SH3BP2: variants seen among roughly 807,000 people sequenced by gnomAD.
The protein encoded by SH3BP2 is SH3 domain binding protein 2.
In SH3BP2, 38 loss-of-function variants were observed where a neutral mutation model predicts 56.2. That is an observed-to-expected ratio of 0.68 (90% CI 0.52 to 0.89). The LOEUF (loss-of-function observed/expected upper bound fraction) is 0.89. Among genes scored for constraint, SH3BP2 ranks in the 40% least tolerant of loss-of-function variants. The pLI, the probability that SH3BP2 is intolerant of heterozygous loss-of-function variation, is 0.00. For synonymous variants in SH3BP2, 346 were observed against 316.7 expected (o/e 1.09, Z -0.98); for missense variants, 748 against 762.6 (o/e 0.98, Z 0.23).
chr4:2,832,539 A>T, intron 11 of SH3BP2, 127 bp downstream of exon 11: 2 of 777,016 alleles, frequency 2.6e-6, no homozygotes, highest in South Asian at 2.8e-5. Context: ...GTCTCAGCTG[A>T]ATTCTCTTCC....
intron 10 of SH3BP2, 112 bp downstream of exon 10, chr4:2,832,090 C>T: frequency 1.7e-6 from 2 of 1,183,008 alleles, no homozygotes; most frequent in Non-Finnish European, 2.5e-6. Flanking sequence ...GTTCATGGCC[C>T]TGCGTGCAGC....
At chr4:2,805,930 G>T (rs1268310090) in intron 1 of SH3BP2, among the ~76,000 whole-genome samples, 1 of 152,190 alleles carries the variant, frequency 6.6e-6, no homozygotes, top group Non-Finnish European at 1.5e-5. Context: ...GCCAAGGGCC[G>T]CGGGGAGACG....
In SH3BP2 at chr4:2,805,261, C is replaced by A. The variant is rs531857586; in HGVS notation, c.-5+12123C>A. 2.6e-5 allele frequency among the ~76,000 whole-genome samples: 4 copies of A among 152,334 alleles called. No homozygotes were observed. In the South Asian group the frequency reaches 8.3e-4, roughly 32 times the overall value. On this transcript the variant is annotated intron_variant, in intron 1 of 12. Transcript: ENST00000503393. ...TGGGCGTGGGGTGTCCCGGCCACAG[C>A]TGATCTGCTCAGTGACTGCTGCTGC...
intron 1 of SH3BP2, among the ~76,000 whole-genome samples, chr4:2,813,119 G>T (rs1723836943): frequency 6.6e-6 from 1 of 152,212 alleles, no homozygotes; most frequent in African/African-American, 2.4e-5. Context: ...AACAGAGAAA[G>T]ATTCTGGGAA....
At chr4:2,828,939 C>T (rs1724824505) in intron 7 of SH3BP2, among the ~76,000 whole-genome samples, 3 of 152,198 alleles carry the variant, frequency 2.0e-5, no homozygotes, top group Admixed American at 2.0e-4. Context: ...TCAGACCTCA[C>T]TCCTCTCCCG....
rs147432096 is a variant in SH3BP2 at position 2,823,037 on chromosome 4, G to A, written c.239G>A (p.Arg80Gln). ...QGAFSLSGYN[R>Q]VMRAAEETTS... is the part of the protein sequence containing the mutation. Reference sequence around the variant, plus strand: ...GCCTTCTCCCTGAGTGGCTATAACCGGTAAGTGCCCGACCTGCCTGCTGAC... The same window carrying A: ...GCCTTCTCCCTGAGTGGCTATAACCAGTAAGTGCCCGACCTGCCTGCTGAC... The change falls in exon 3 of 13, where the codon CGG becomes CAG. Residue 80 changes from arginine to glutamine, a missense_variant and splice_region_variant. Transcript: ENST00000503393. 6.2e-4 allele frequency: 993 copies of A among 1,610,560 alleles called. 3 individuals carry two copies. Among genetic ancestry groups the A allele is most frequent in the Non-Finnish European group, 7.9e-4 (926 of 1,177,272 alleles).
Position 2,809,674 on chromosome 4 carries a change from G to A in SH3BP2, c.-4-10940G>A, listed in dbSNP as rs902944273. 8.6e-5 allele frequency: 39 copies of A among 453,752 alleles called. No homozygotes were observed. In the Admixed American group the frequency reaches 9.0e-4, roughly 10 times the overall value. 28.1% of individuals were successfully genotyped at this position (453,752 alleles called of 1,614,324 possible). On this transcript the variant is annotated intron_variant, in intron 1 of 12. Coordinates refer to ENST00000503393, the MANE Select transcript of SH3BP2 (RefSeq NM_001122681.2). ...GAGGTGCCAGGGCAGGGTCAGCTCCGTGGTGGCTGCAGACACCACCCACTG... is the reference window on the plus strand; with the variant it reads ...GAGGTGCCAGGGCAGGGTCAGCTCCATGGTGGCTGCAGACACCACCCACTG...
In SH3BP2 at chr4:2,833,471, C is replaced by T. The variant is rs769596785; in HGVS notation, c.1549-226C>T. The T allele has an allele frequency of 1.3e-3, 826 of 631,770 alleles. 7 individuals are homozygous for T. Among genetic ancestry groups the T allele is most frequent in the Non-Finnish European group, 2.1e-4 (74 of 355,174 alleles). 39.1% of individuals were successfully genotyped at this position (631,770 alleles called of 1,614,324 possible). On this transcript the variant is annotated intron_variant, in intron 12 of 12. Coordinates refer to ENST00000503393, the MANE Select transcript of SH3BP2 (RefSeq NM_001122681.2). Reference sequence around the variant, plus strand: ...ATTTCCTGACCTTGTCTGAAGTGCTCTGGGTGCAGGCTCCTGGACATGGAG... The same window carrying T: ...ATTTCCTGACCTTGTCTGAAGTGCTTTGGGTGCAGGCTCCTGGACATGGAG...
intron 3 of SH3BP2, chr4:2,823,635 G>T: frequency 2.4e-6 from 1 of 411,766 alleles, no homozygotes. Flanking sequence ...ATGGCCTGGG[G>T]CCCACACAAA....
chr4:2,813,785 A>G (rs1349426961), intron 1 of SH3BP2, among the ~76,000 whole-genome samples: 1 of 152,162 alleles, frequency 6.6e-6, no homozygotes, highest in Non-Finnish European at 1.5e-5. Flanking sequence ...ATGAGTGTGT[A>G]TGAGAACATG....
intron 1 of SH3BP2, chr4:2,818,336 G>T: frequency 8.6e-7 from 1 of 1,165,818 alleles, no homozygotes; most frequent in Non-Finnish European, 1.1e-6. Context: ...TGCTCGCAGG[G>T]GAGGCGGGCG....
chr4:2,823,066 G>A lies in SH3BP2; in HGVS notation c.239+29G>A, dbSNP rs200583615. 42 of 1,528,254 alleles carry A rather than the reference G, an allele frequency of 2.7e-5. No homozygotes were observed. The Admixed American group carries it at 3.7e-4, about 14-fold the overall frequency. The allele number at this position is 1,528,254 out of a possible 1,614,324, so 94.7% of individuals were successfully genotyped here. ...AGTGCCCGACCTGCCTGCTGACCTC[G>A]GGCCCCCACAGCCAGCGGGTCCCTC... is the stretch of plus-strand genomic sequence containing the variant. On this transcript the variant is annotated intron_variant, in intron 3 of 12. Transcript: ENST00000503393.
Position 2,833,971 on chromosome 4 carries a change from C to T in SH3BP2, c.*137C>T, listed in dbSNP as rs1577374143. 7 of 1,056,218 alleles carry T rather than the reference C, an allele frequency of 6.6e-6. No homozygotes were observed. Among genetic ancestry groups the T allele is most frequent in the South Asian group, 3.2e-5 (2 of 61,972 alleles). 65.4% of individuals were successfully genotyped at this position (1,056,218 alleles called of 1,614,324 possible). ...CCTAGGGCCTCTGTGATGGACATCT[C>T]GTAGGACCCAGCCAGTCTCATCCAG... On this transcript the variant is annotated 3_prime_UTR_variant, in exon 13 of 13. Transcript: ENST00000503393.
At chr4:2,803,814 G>A (rs528225353) in intron 1 of SH3BP2, among the ~76,000 whole-genome samples, 1 of 152,314 alleles carries the variant, frequency 6.6e-6, no homozygotes, top group Admixed American at 6.5e-5. Flanking sequence ...CTCCCAGGAC[G>A]CTGGCGGATG....
chr4:2,823,647 G>C (rs985258395), intron 3 of SH3BP2: 1 of 387,770 alleles, frequency 2.6e-6, no homozygotes, highest in South Asian at 1.9e-5. Flanking sequence ...CCACACAAAG[G>C]GTTAATGCTG....
At position 2,831,400 on chromosome 4, in the gene SH3BP2, C is replaced by T. The variant is rs553649310; in HGVS notation, c.1242-171C>T. Reference sequence around the variant, plus strand: ...GCGATTCCTGCTGTCCCAGGGCAGTCGGCACGAGCCCTACCCGGATCTCTG... The same window carrying T: ...GCGATTCCTGCTGTCCCAGGGCAGTTGGCACGAGCCCTACCCGGATCTCTG... On this transcript the variant is annotated intron_variant, in intron 8 of 12. Transcript: ENST00000503393. The surrounding 1 kb of genome is among the most constrained non-coding windows in gnomAD (Gnocchi z 4.1). Among the ~76,000 whole-genome samples, 5 of 152,326 alleles carry T rather than the reference C, an allele frequency of 3.3e-5. No individual in the cohort carries two copies. Among genetic ancestry groups the T allele is most frequent in the East Asian group, 3.9e-4 (2 of 5,176 alleles).
intron 5 of SH3BP2, among the ~76,000 whole-genome samples, chr4:2,825,737 A>G (rs937160236): frequency 9.2e-5 from 14 of 152,216 alleles, no homozygotes; most frequent in Admixed American, 7.9e-4. Flanking sequence ...GCCTGCCACC[A>G]GGGAGGCCTG....
intron 11 of SH3BP2, 63 bp downstream of exon 11, chr4:2,832,475 G>T: frequency 7.7e-7 from 1 of 1,302,016 alleles, no homozygotes; most frequent in Non-Finnish European, 1.1e-6. Flanking sequence ...GGCTGTGGGT[G>T]GGCCCAGGAC....
chr4:2,801,653 G>A (rs546292702), intron 1 of SH3BP2, among the ~76,000 whole-genome samples: 3 of 152,256 alleles, frequency 2.0e-5, no homozygotes, highest in African/African-American at 7.2e-5. Context: ...GGAAGCCAGC[G>A]CAAGGACAAG....
Sources: allele counts gnomAD v4.1 joint callset (sites outside exome capture counted in the v4.1 genomes callset), GRCh38; gene constraint gnomAD v4.1.1; non-coding constraint Gnocchi (gnomAD v3.1); transcripts MANE v1.5; gene names NCBI Gene and HGNC (gene_info 2026-07-23, HGNC 2026-07-21).